Variants in PRR5L observed in about 807,000 individuals in gnomAD.
PRR5L encodes proline rich 5 like.
A neutral mutation model predicts 36.4 loss-of-function variants in PRR5L; 21 were observed. The ratio of observed to expected loss-of-function variants is 0.58; its 90% CI spans 0.41 to 0.83. The LOEUF is 0.83. PRR5L is among the 40% of genes least tolerant of loss of function. The probability of loss-of-function intolerance (pLI) is 0.00; values close to 1 mark genes in which losing one functional copy is unlikely to be tolerated. For missense variants in PRR5L, 381 were observed against 473.3 expected, an observed-to-expected ratio of 0.80 and a Z score of 1.81; for synonymous variants, 188 against 197.0, an observed-to-expected ratio of 0.95 and a Z score of 0.38.
chr11:36,300,316 G>A (rs1458503748), intron 1 of PRR5L, among the ~76,000 whole-genome samples: 1 of 152,120 alleles, frequency 6.6e-6, no homozygotes, highest in Non-Finnish European at 1.5e-5. Flanking sequence ...CACACGGTGA[G>A]AAAGGGTGCA....
intron 1 of PRR5L, chr11:36,380,569 AAG>A (rs1159996272): frequency 5.3e-5 from 8 of 152,162 alleles, no homozygotes; most frequent in South Asian, 2.1e-4. Context: ...GGGAGAGAGA[AAG>A]AGAGAAAAAA....
chr11:36,434,157 C>G (rs944531708), intron 5 of PRR5L, among the ~76,000 whole-genome samples: 1 of 152,190 alleles, frequency 6.6e-6, no homozygotes, highest in Non-Finnish European at 1.5e-5. Context: ...TTCTGTCCCC[C>G]TGCCCTGGCA....
intron 1 of PRR5L, among the ~76,000 whole-genome samples, chr11:36,399,746 A>T (rs1168112005): frequency 6.6e-6 from 1 of 152,208 alleles, no homozygotes; most frequent in Admixed American, 6.5e-5. Flanking sequence ...CTGAACTCTA[A>T]TTCTCGCCTT....
chr11:36,372,488 T>C (rs148007269), intron 1 of PRR5L, among the ~76,000 whole-genome samples: 1 of 152,350 alleles, frequency 6.6e-6, no homozygotes, highest in Non-Finnish European at 1.5e-5. Flanking sequence ...CAAGCAAGGT[T>C]TTCTTTGTAA....
intron 8 of PRR5L, among the ~76,000 whole-genome samples, chr11:36,461,248 C>T (rs920449318): frequency 1.3e-5 from 2 of 152,174 alleles, no homozygotes; most frequent in Non-Finnish European, 2.9e-5. Context: ...AATACCATGA[C>T]TTAGGTTCAG....
At chr11:36,311,430 G>A (rs1795981541) in intron 1 of PRR5L, among the ~76,000 whole-genome samples, 1 of 152,168 alleles carries the variant, frequency 6.6e-6, no homozygotes, top group South Asian at 2.1e-4. Flanking sequence ...AAGAAGCAAA[G>A]GCCTCCCTGC....
At chr11:36,312,701 T>C (rs1335723674) in intron 1 of PRR5L, among the ~76,000 whole-genome samples, 1 of 152,262 alleles carries the variant, frequency 6.6e-6, no homozygotes, top group African/African-American at 2.4e-5. Context: ...ACAGGAATAC[T>C]GGTATTACCC....
chr11:36,444,280 AG>A (rs987088944), intron 6 of PRR5L, among the ~76,000 whole-genome samples: 4 of 152,188 alleles, frequency 2.6e-5, no homozygotes, highest in African/African-American at 9.6e-5. Flanking sequence ...GAACAGTAGG[AG>A]GGGTATAATC....
At chr11:36,317,873 G>A (rs1856573871) in intron 1 of PRR5L, among the ~76,000 whole-genome samples, 1 of 152,072 alleles carries the variant, frequency 6.6e-6, no homozygotes, top group African/African-American at 2.4e-5. Context: ...TTTCTTATTG[G>A]TTTGTGAAAG....
intron 1 of PRR5L, among the ~76,000 whole-genome samples, chr11:36,326,302 TACACACACACAC>T (rs3083243): frequency 4.8e-4 from 71 of 147,488 alleles, no homozygotes; most frequent in South Asian, 1.1e-3. Context: ...CCCCAATAGA[TACACACACACAC>T]ACACACACAC....
chr11:36,429,759 C>T (rs1858455203), intron 4 of PRR5L, among the ~76,000 whole-genome samples: 1 of 152,162 alleles, frequency 6.6e-6, no homozygotes, highest in African/African-American at 2.4e-5. Context: ...GTGAAAGGGA[C>T]CAACCAGGTG....
At chr11:36,401,367 TCTG>T in intron 2 of PRR5L, 82 bp downstream of exon 2, 1 of 1,351,486 alleles carries the variant, frequency 7.4e-7, no homozygotes, top group East Asian at 2.4e-5. Flanking sequence ...TGACTGAGCT[TCTG>T]CTGATTCTGG....
intron 8 of PRR5L, among the ~76,000 whole-genome samples, chr11:36,457,403 G>A (rs570510627): frequency 7.0e-4 from 107 of 152,114 alleles, no homozygotes; most frequent in South Asian, 1.9e-3. Flanking sequence ...TCAGGAATTC[G>A]AGACCATCCT....
chr11:36,305,041 T>C (rs1565374028), intron 1 of PRR5L, among the ~76,000 whole-genome samples: 1 of 151,990 alleles, frequency 6.6e-6, no homozygotes, highest in Non-Finnish European at 1.5e-5. Flanking sequence ...TCAAGAGAAA[T>C]AAAAACACAT....
At chr11:36,386,970 C>A (rs1193141599) in intron 1 of PRR5L, among the ~76,000 whole-genome samples, 1 of 152,150 alleles carries the variant, frequency 6.6e-6, no homozygotes, top group Non-Finnish European at 1.5e-5. Context: ...TTTTGAAAAT[C>A]TGCTTGTGAC....
At chr11:36,419,600 C>T (rs183203350) in intron 4 of PRR5L, among the ~76,000 whole-genome samples, 8 of 152,230 alleles carry the variant, frequency 5.3e-5, no homozygotes, top group African/African-American at 1.9e-4. Flanking sequence ...AGAAATTAAA[C>T]CTGAAGAGCT....
At chr11:36,383,789 G>C (rs1301321161) in intron 1 of PRR5L, among the ~76,000 whole-genome samples, 3 of 148,142 alleles carry the variant, frequency 2.0e-5, no homozygotes, top group African/African-American at 5.0e-5. Context: ...ACTGCCTCCC[G>C]GGTTCAAGTG....
chr11:36,317,316 G>C (rs1399958193), intron 1 of PRR5L, among the ~76,000 whole-genome samples: 1 of 152,146 alleles, frequency 6.6e-6, no homozygotes, highest in Admixed American at 6.5e-5. Flanking sequence ...GTGTGATCTT[G>C]GGCAAGTTAT....
chr11:36,448,777 A>G (rs1394393637), intron 7 of PRR5L, among the ~76,000 whole-genome samples: 1 of 152,178 alleles, frequency 6.6e-6, no homozygotes, highest in Non-Finnish European at 1.5e-5. Context: ...AGGCAAGGAA[A>G]TGGTTCCTCC....
Sources: gnomAD v4.1 joint callset for allele counts (sites outside exome capture counted in the v4.1 genomes callset) on GRCh38, gnomAD v4.1.1 for gene constraint, MANE v1.5 for transcripts, NCBI Gene and HGNC (gene_info 2026-07-23, HGNC 2026-07-21) for gene names.